Variants in SLC35F1 observed in about 807,000 individuals in gnomAD.
The protein encoded by SLC35F1 is solute carrier family 35 member F1, also known as chromosome 6 open reading frame 169.
In SLC35F1, 14 loss-of-function variants were observed where a neutral mutation model predicts 48.7. The ratio of observed to expected loss-of-function variants is 0.29; its 90% confidence interval spans 0.19 to 0.45. The LOEUF is 0.45. Among genes scored for constraint, SLC35F1 ranks in the 20% least tolerant of loss-of-function variants. SLC35F1 has a pLI of 1.00. For synonymous variants in SLC35F1, 190 were observed against 202.2 expected (o/e 0.94, Z 0.51); for missense variants, 404 against 500.0 (o/e 0.81, Z 1.83).
At chr6:118,119,018 A>G (rs1773515644) in intron 1 of SLC35F1, among the ~76,000 whole-genome samples, 1 of 151,702 alleles carries the variant, frequency 6.6e-6, no homozygotes, top group Admixed American at 6.6e-5. Flanking sequence ...TTGTTTTTAG[A>G]CAGAAGTTCC....
intron 3 of SLC35F1, among the ~76,000 whole-genome samples, chr6:118,236,016 C>T (rs114981954): frequency 6.6e-6 from 1 of 152,084 alleles, no homozygotes; most frequent in African/African-American, 2.4e-5. Flanking sequence ...AAAAACAAAT[C>T]AATTTTAATC....
At chr6:118,006,971 A>G (rs1777181880) in intron 1 of SLC35F1, among the ~76,000 whole-genome samples, 1 of 152,062 alleles carries the variant, frequency 6.6e-6, no homozygotes, top group Non-Finnish European at 1.5e-5. Context: ...TTTTCAGAAA[A>G]CATGTTATAT....
chr6:117,951,492 T>C (rs949711961), intron 1 of SLC35F1, among the ~76,000 whole-genome samples: 7 of 152,216 alleles, frequency 4.6e-5, no homozygotes, highest in Non-Finnish European at 8.8e-5. Context: ...AATTGAGTGA[T>C]GTGGGGAAAA....
At position 117,910,699 on chromosome 6, in the gene SLC35F1, A is replaced by G. The variant is rs772702745; in HGVS notation, c.173+2800A>G. ...GGGGGCTGTACCACTGTCAGCTCCTAGCATCCCACTGGGCCAAAGGGGTAA... is the reference window on the plus strand; with the variant it reads ...GGGGGCTGTACCACTGTCAGCTCCTGGCATCCCACTGGGCCAAAGGGGTAA... On this transcript the variant is annotated intron_variant, in intron 1 of 7. Transcript: ENST00000360388. Among the ~76,000 whole-genome samples, 79 of 152,172 alleles carry G rather than the reference A, an allele frequency of 5.2e-4. 1 individual carries two copies. Among genetic ancestry groups the G allele is most frequent in the Non-Finnish European group, 1.8e-4 (12 of 68,020 alleles).
rs1393667511 is a variant in SLC35F1, at chr6:117,966,140, C to CA, written c.173+58241_173+58242insA. Among the ~76,000 whole-genome samples, 4 of 128,098 alleles carry CA rather than the reference C, an allele frequency of 3.1e-5. 1 individual carries two copies. The highest frequency in any genetic ancestry group is 6.9e-5 in the Non-Finnish European group (4 of 58,232). 84.0% of individuals were successfully genotyped at this position (128,098 alleles called of 152,430 possible). A position where few individuals can be genotyped will look rare whatever the true frequency, so the allele number is the denominator to read the frequency against. ...ATAAAAGCAGGCCACCGCCCCCCCC[C>CA]CCACTCCCGCCCCGCCCCAAGCAGC... On this transcript the variant is annotated intron_variant, in intron 1 of 7. Coordinates refer to ENST00000360388, the MANE Select transcript of SLC35F1 (RefSeq NM_001029858.4).
intron 7 of SLC35F1, among the ~76,000 whole-genome samples, chr6:118,308,088 G>T (rs1015383710): frequency 1.3e-5 from 2 of 152,172 alleles, no homozygotes; most frequent in East Asian, 3.8e-4. Context: ...CTTCACTATA[G>T]CAGCATTACA....
intron 1 of SLC35F1, among the ~76,000 whole-genome samples, chr6:118,019,373 A>G (rs1777364222): frequency 6.6e-6 from 1 of 152,132 alleles, no homozygotes; most frequent in African/African-American, 2.4e-5. Context: ...CAGTACTAAG[A>G]TATTGATATA....
intron 7 of SLC35F1, among the ~76,000 whole-genome samples, chr6:118,299,691 G>T (rs963487874): frequency 6.6e-6 from 1 of 152,154 alleles, no homozygotes; most frequent in African/African-American, 2.4e-5. Context: ...ATTTATGTTG[G>T]TGGAAAAGGC....
At chr6:118,286,764 T>C (rs1469855928) in intron 7 of SLC35F1, among the ~76,000 whole-genome samples, 1 of 149,676 alleles carries the variant, frequency 6.7e-6, no homozygotes, top group African/African-American at 2.5e-5. Flanking sequence ...CCTCACATAG[T>C]TACCTTTTTT....
intron 1 of SLC35F1, among the ~76,000 whole-genome samples, chr6:118,026,059 T>C (rs373329183): frequency 3.9e-5 from 6 of 152,180 alleles, no homozygotes; most frequent in African/African-American, 1.4e-4. Context: ...GTCTCCAGCC[T>C]TTGTCAGCCT....
At position 117,930,391 on chromosome 6, in the gene SLC35F1, G is replaced by T. The variant is rs537006122; in HGVS notation, c.173+22492G>T. The stretch of plus-strand genomic sequence containing the variant: ...GACTCAACAAGTGGAGTAGAAATGG[G>T]CTTTCCTCTTCCACAGCATTATAGC... On this transcript the variant is annotated intron_variant, in intron 1 of 7. Transcript: ENST00000360388. Among the ~76,000 whole-genome samples the T allele has an allele frequency of 4.6e-5, 7 of 152,270 alleles. No individual in the cohort carries two copies. In the East Asian group the frequency reaches 1.4e-3, roughly 29 times the overall value.
chr6:117,996,707 C>A (rs1776997391), intron 1 of SLC35F1, among the ~76,000 whole-genome samples: 1 of 152,180 alleles, frequency 6.6e-6, no homozygotes, highest in African/African-American at 2.4e-5. Flanking sequence ...TCCAACAGAC[C>A]TGCAGCTGAG....
At chr6:117,959,228 C>G (rs1776464771) in intron 1 of SLC35F1, among the ~76,000 whole-genome samples, 1 of 152,162 alleles carries the variant, frequency 6.6e-6, no homozygotes, top group Non-Finnish European at 1.5e-5. Context: ...TCCATTATTT[C>G]CTAACATTGT....
At chr6:118,310,876 C>A (rs1776364597) in intron 7 of SLC35F1, among the ~76,000 whole-genome samples, 1 of 152,172 alleles carries the variant, frequency 6.6e-6, no homozygotes, top group African/African-American at 2.4e-5. Flanking sequence ...ATCCTTTAAG[C>A]AGTACATTAC....
At chr6:117,961,034 C>CA (rs1046354187) in intron 1 of SLC35F1, among the ~76,000 whole-genome samples, 2 of 151,518 alleles carry the variant, frequency 1.3e-5, no homozygotes, top group Admixed American at 6.6e-5. Flanking sequence ...GGTCTGTATG[C>CA]AAAAAAAATT....
At chr6:118,087,798 T>G (rs1026643402) in intron 1 of SLC35F1, among the ~76,000 whole-genome samples, 38 of 152,214 alleles carry the variant, frequency 2.5e-4, no homozygotes, top group African/African-American at 9.2e-4. Flanking sequence ...TTACGTTTAT[T>G]TAATGTTTCT....
chr6:118,189,899 A>G (rs936651589), intron 2 of SLC35F1, among the ~76,000 whole-genome samples: 1 of 152,222 alleles, frequency 6.6e-6, no homozygotes, highest in Non-Finnish European at 1.5e-5. Flanking sequence ...CAGTTTGAAC[A>G]CTTGGCAGTG....
intron 1 of SLC35F1, among the ~76,000 whole-genome samples, chr6:117,982,965 G>T (rs1426102379): frequency 6.6e-6 from 1 of 151,708 alleles, no homozygotes; most frequent in Non-Finnish European, 1.5e-5. Context: ...TGCATCTTCA[G>T]GTTCTCAGCT....
chr6:118,208,318 C>G (rs1365839831), intron 2 of SLC35F1, among the ~76,000 whole-genome samples: 2 of 152,148 alleles, frequency 1.3e-5, no homozygotes, highest in Non-Finnish European at 2.9e-5. Context: ...TCATCTGTGA[C>G]CCTGGGAAGT....
Sources: gnomAD v4.1 joint callset for allele counts (sites outside exome capture counted in the v4.1 genomes callset) on GRCh38, gnomAD v4.1.1 for gene constraint, MANE v1.5 for transcripts, NCBI Gene and HGNC (gene_info 2026-07-23, HGNC 2026-07-21) for gene names.